EPB41L4B: variants seen among roughly 807,000 people sequenced by gnomAD.
EPB41L4B encodes band 4.1-like protein 4B.
Under a neutral mutation model 112.5 loss-of-function variants are expected in EPB41L4B, and 30 were observed. That is an observed-to-expected ratio of 0.27 (90% CI 0.20 to 0.36). EPB41L4B has a LOEUF of 0.36. EPB41L4B is among the 10% of genes least tolerant of loss of function. The probability of loss-of-function intolerance (pLI) is 1.00; values close to 1 mark genes in which losing one functional copy is unlikely to be tolerated. For synonymous variants in EPB41L4B, 408 were observed against 439.7 expected, an observed-to-expected ratio of 0.93 and a Z score of 0.90; for missense variants, 1,024 against 1,133.3, an observed-to-expected ratio of 0.90 and a Z score of 1.38.
intron 1 of EPB41L4B, among the ~76,000 whole-genome samples, chr9:109,291,665 G>A (rs190656790): frequency 1.3e-5 from 2 of 152,258 alleles, no homozygotes; most frequent in East Asian, 3.9e-4. Context: ...GATCAACAAG[G>A]AAGTAAGAAC....
At chr9:109,202,044 G>A (rs1263916036) in intron 19 of EPB41L4B, among the ~76,000 whole-genome samples, 1 of 152,144 alleles carries the variant, frequency 6.6e-6, no homozygotes, top group East Asian at 1.9e-4. Flanking sequence ...GATGGATGTG[G>A]AAGGTAAAAT....
rs78129554 is a variant in EPB41L4B, at chr9:109,195,682, G to A, written c.2046-1285C>T. Among the ~76,000 whole-genome samples, 1,161 of 152,194 alleles carry A rather than the reference G, an allele frequency of 7.6e-3. 18 individuals carry two copies. Among genetic ancestry groups the A allele is most frequent in the African/African-American group, 0.026 (1,086 of 41,512 alleles). On this transcript the variant is annotated intron_variant, in intron 20 of 25. Transcript: ENST00000374566. ...CGCAAAGCTAGTTAAGTGGAGGAGCGGGGTTAAAATTTCTTTTTACCTCAT... is the reference window on the plus strand; with the variant it reads ...CGCAAAGCTAGTTAAGTGGAGGAGCAGGGTTAAAATTTCTTTTTACCTCAT...
In EPB41L4B at chr9:109,227,584, C is replaced by T. The variant is rs144767384; in HGVS notation, c.1410-10439G>A. ...TGAGATCTTATTAATTATTACATAT[C>T]CCCCCCTTTTTTTTTTGAGACGGAG... On this transcript the variant is annotated intron_variant, in intron 15 of 25. Coordinates refer to ENST00000374566, the MANE Select transcript of EPB41L4B (RefSeq NM_019114.5). 3.4e-3 allele frequency among the ~76,000 whole-genome samples: 518 copies of T among 151,528 alleles called. 4 individuals are homozygous for T. The highest frequency in any genetic ancestry group is 5.2e-3 in the Non-Finnish European group (351 of 67,888).
intron 15 of EPB41L4B, among the ~76,000 whole-genome samples, chr9:109,225,725 A>C (rs1833738631): frequency 6.6e-6 from 1 of 152,168 alleles, no homozygotes; most frequent in Non-Finnish European, 1.5e-5. Flanking sequence ...GCCCAACCCA[A>C]GTGGAACCAA....
At chr9:109,298,584 T>C (rs1383721835) in intron 1 of EPB41L4B, among the ~76,000 whole-genome samples, 1 of 152,208 alleles carries the variant, frequency 6.6e-6, no homozygotes, top group African/African-American at 2.4e-5. Context: ...AGTGCTGGGA[T>C]TACAGGCGTG....
intron 7 of EPB41L4B, among the ~76,000 whole-genome samples, chr9:109,257,536 T>C (rs761038894): frequency 1.3e-5 from 2 of 152,184 alleles, no homozygotes; most frequent in African/African-American, 4.8e-5. Context: ...TTCAGAAGGT[T>C]CAGGCCCTGA....
intron 20 of EPB41L4B, 97 bp from the exon 21 acceptor site, chr9:109,194,494 A>G: frequency 7.5e-7 from 1 of 1,330,918 alleles, no homozygotes; most frequent in Non-Finnish European, 1.0e-6. Context: ...AAGACCAGGG[A>G]TGGGGATTGG....
intron 16 of EPB41L4B, among the ~76,000 whole-genome samples, chr9:109,214,468 A>C (rs1367865711): frequency 2.0e-5 from 3 of 152,244 alleles, no homozygotes. Flanking sequence ...TGACGGACAC[A>C]TGTGGAGATA....
chr9:109,301,416 T>G (rs1836961130), intron 1 of EPB41L4B, among the ~76,000 whole-genome samples: 1 of 152,208 alleles, frequency 6.6e-6, no homozygotes, highest in African/African-American at 2.4e-5. Context: ...TAAGTTATCC[T>G]ACTTTGACAA....
At chr9:109,258,789 G>A (rs144017031) in intron 6 of EPB41L4B, among the ~76,000 whole-genome samples, 46 of 152,306 alleles carry the variant, frequency 3.0e-4, no homozygotes, top group Non-Finnish European at 6.0e-4. Flanking sequence ...GAGAGGCAGA[G>A]CGAGAGGGAG....
chr9:109,298,909 C>G (rs1481280351), intron 1 of EPB41L4B, among the ~76,000 whole-genome samples: 1 of 152,176 alleles, frequency 6.6e-6, no homozygotes, highest in African/African-American at 2.4e-5. Context: ...AAAGGTACCC[C>G]TGCAAGAGTA....
intron 1 of EPB41L4B, among the ~76,000 whole-genome samples, chr9:109,289,543 G>A (rs1360103483): frequency 6.6e-6 from 1 of 152,224 alleles, no homozygotes; most frequent in Non-Finnish European, 1.5e-5. Flanking sequence ...TCCTACAACA[G>A]TCTTCAAACA....
At chr9:109,207,675 C>A (rs1833031694) in intron 18 of EPB41L4B, among the ~76,000 whole-genome samples, 1 of 152,212 alleles carries the variant, frequency 6.6e-6, no homozygotes, top group Non-Finnish European at 1.5e-5. Context: ...CCCAGTTTTC[C>A]AGGTGACTTA....
intron 14 of EPB41L4B, among the ~76,000 whole-genome samples, chr9:109,245,241 C>T (rs890589409): frequency 6.6e-6 from 1 of 152,180 alleles, no homozygotes; most frequent in African/African-American, 2.4e-5. Context: ...GAATGAGGTT[C>T]CATTCATTGG....
chr9:109,235,685 A>G (rs889810359), intron 15 of EPB41L4B, among the ~76,000 whole-genome samples: 2 of 152,152 alleles, frequency 1.3e-5, no homozygotes, highest in Non-Finnish European at 2.9e-5. Context: ...GGTATGATTC[A>G]CCACGCCCGG....
At chr9:109,180,565 C>G (rs1486554144) in intron 24 of EPB41L4B, among the ~76,000 whole-genome samples, 3 of 152,120 alleles carry the variant, frequency 2.0e-5, no homozygotes, top group Admixed American at 6.5e-5. Context: ...GTTCTAGGAA[C>G]CTGTTTTTCC....
chr9:109,317,113 AAAC>A (rs1384312711), intron 1 of EPB41L4B, among the ~76,000 whole-genome samples: 1 of 152,134 alleles, frequency 6.6e-6, no homozygotes, highest in East Asian at 1.9e-4. Context: ...CCAAAAAACA[AAAC>A]AAAAAAAAGA....
chr9:109,316,578 T>G lies in EPB41L4B; in HGVS notation c.306+3563A>C, dbSNP rs566774315. Among the ~76,000 whole-genome samples the G allele has an allele frequency of 1.1e-3, 160 of 152,264 alleles. 2 individuals are homozygous for G. The highest frequency in any genetic ancestry group is 3.7e-3 in the African/African-American group (152 of 41,562). ...ACCTGAGGGTTGGGCAGGGCTGAGCTAGGCTAAGGAGAGGGAGGTGCTGTC... is the reference window on the plus strand; with the variant it reads ...ACCTGAGGGTTGGGCAGGGCTGAGCGAGGCTAAGGAGAGGGAGGTGCTGTC... On this transcript the variant is annotated intron_variant, in intron 1 of 25. Transcript: ENST00000374566.
chr9:109,301,723 T>C (rs552033456), intron 1 of EPB41L4B, among the ~76,000 whole-genome samples: 1 of 152,354 alleles, frequency 6.6e-6, no homozygotes, highest in East Asian at 1.9e-4. Flanking sequence ...ATACTTCCTG[T>C]GCCATCTTAT....
Sources: gnomAD v4.1 joint callset for allele counts (sites outside exome capture counted in the v4.1 genomes callset) on GRCh38, gnomAD v4.1.1 for gene constraint, MANE v1.5 for transcripts, NCBI Gene and HGNC (gene_info 2026-07-23, HGNC 2026-07-21) for gene names.